Variants in KCNH5 observed in about 807,000 individuals in gnomAD.
KCNH5 encodes voltage-gated delayed rectifier potassium channel KCNH5.
KCNH5 carries 46 observed loss-of-function variants against 96.1 expected under a neutral mutation model. The ratio of observed to expected loss-of-function variants is 0.48; its 90% CI spans 0.38 to 0.61. The LOEUF is 0.61. Among genes scored for constraint, KCNH5 ranks in the 20% least tolerant of loss-of-function variants. The probability of loss-of-function intolerance (pLI) is 0.00; values close to 1 mark genes in which losing one functional copy is unlikely to be tolerated. For synonymous variants in KCNH5, 439 were observed against 449.8 expected (o/e 0.98, Z 0.30); for missense variants, 907 against 1,225.8 (o/e 0.74, Z 3.88).
chr14:62,910,900 C>CAA, intron 7 of KCNH5, among the ~76,000 whole-genome samples: 1 of 31,710 alleles, frequency 3.2e-5, no homozygotes, highest in Non-Finnish European at 5.5e-5. Context: ...GTGCATACAC[C>CAA]ACACACACAC....
At chr14:62,884,097 A>T (rs10873164) in intron 7 of KCNH5, among the ~76,000 whole-genome samples, 92,522 of 152,034 alleles carry the variant, frequency 0.61, 29,400 homozygotes, top group African/African-American at 0.78. Context: ...AGAAATGGGA[A>T]GTTTTCTTCA....
At chr14:62,937,741 C>T (rs956545592) in intron 7 of KCNH5, among the ~76,000 whole-genome samples, 6 of 152,156 alleles carry the variant, frequency 3.9e-5, no homozygotes, top group African/African-American at 1.4e-4. Flanking sequence ...TAGTTGACTC[C>T]AGCCAGTGCT....
At chr14:62,944,804 A>G (rs1889855511) in intron 7 of KCNH5, among the ~76,000 whole-genome samples, 1 of 152,158 alleles carries the variant, frequency 6.6e-6, no homozygotes, top group East Asian at 1.9e-4. Flanking sequence ...AGGGAAATTT[A>G]AAGGTATCTC....
chr14:63,001,501 C>T, intron 3 of KCNH5, 42 bp from the exon 4 acceptor site: 2 of 1,571,412 alleles, frequency 1.3e-6, no homozygotes, highest in Non-Finnish European at 1.7e-6. Context: ...TAGAGTGTGG[C>T]ACGGCCACAG....
At chr14:62,790,181 T>C (rs1886404273) in intron 9 of KCNH5, among the ~76,000 whole-genome samples, 1 of 151,872 alleles carries the variant, frequency 6.6e-6, no homozygotes, top group Non-Finnish European at 1.5e-5. Flanking sequence ...ATTGTGGCCT[T>C]TGGCACCCTT....
intron 10 of KCNH5, among the ~76,000 whole-genome samples, chr14:62,779,227 A>G (rs539872312): frequency 2.6e-4 from 40 of 152,364 alleles, no homozygotes; most frequent in African/African-American, 9.1e-4. Context: ...ATTCTTATCC[A>G]TATTTGTAGG....
intron 8 of KCNH5, among the ~76,000 whole-genome samples, chr14:62,810,544 T>C (rs243142): frequency 6.6e-6 from 1 of 151,982 alleles, no homozygotes; most frequent in Non-Finnish European, 1.5e-5. Flanking sequence ...TCTGATAAAA[T>C]AGCTTGCAGT....
Position 62,705,771 on chromosome 14 carries a change from T to C in KCNH5, c.*1737A>G, listed in dbSNP as rs950036114. ...GTGATAACATGTCTTTCAGTTCTAGTGGCTTTGGTTGGGAATACTGGGAGA... is the reference window on the plus strand; with the variant it reads ...GTGATAACATGTCTTTCAGTTCTAGCGGCTTTGGTTGGGAATACTGGGAGA... On this transcript the variant is annotated 3_prime_UTR_variant, in exon 11 of 11. Transcript: ENST00000322893. The C allele has an allele frequency of 3.9e-5, 6 of 152,094 alleles. No individual in the cohort carries two copies. The highest frequency in any genetic ancestry group is 1.2e-4 in the African/African-American group (5 of 41,446). 9.4% of individuals were successfully genotyped at this position (152,094 alleles called of 1,614,324 possible).
chr14:63,001,498 T>C (rs1891010820), intron 3 of KCNH5, 39 bp from the exon 4 acceptor site: 9 of 1,575,400 alleles, frequency 5.7e-6, no homozygotes, highest in Non-Finnish European at 7.7e-6. Flanking sequence ...CATTAGAGTG[T>C]GGCACGGCCA....
At chr14:63,006,223 A>T (rs1252949303) in intron 3 of KCNH5, 143 bp downstream of exon 3, 1 of 436,168 alleles carries the variant, frequency 2.3e-6, no homozygotes, top group African/African-American at 2.0e-5. Flanking sequence ...TTTATTATCT[A>T]ATTTCACCAG....
chr14:62,839,941 C>CT (rs1887541990), intron 8 of KCNH5, among the ~76,000 whole-genome samples: 1 of 152,040 alleles, frequency 6.6e-6, no homozygotes, highest in Admixed American at 6.6e-5. Flanking sequence ...GCAGTCTCTC[C>CT]TTTTTTAAAA....
chr14:62,769,035 T>C (rs1318699057), intron 10 of KCNH5, among the ~76,000 whole-genome samples: 1 of 152,214 alleles, frequency 6.6e-6, no homozygotes, highest in Non-Finnish European at 1.5e-5. Context: ...ACTTCAGGAA[T>C]TGTTGAAGGT....
chr14:62,768,144 C>G (rs115095430), intron 10 of KCNH5, among the ~76,000 whole-genome samples: 1,752 of 152,088 alleles, frequency 0.012, 32 homozygotes, highest in African/African-American at 0.04. Context: ...ACTAAAAACC[C>G]AGACTTTACC....
At chr14:62,908,758 T>C (rs1021794960) in intron 7 of KCNH5, among the ~76,000 whole-genome samples, 18 of 148,852 alleles carry the variant, frequency 1.2e-4, no homozygotes, top group Non-Finnish European at 1.8e-4. Flanking sequence ...CATGTGCCTT[T>C]GCCCTTTGTT....
intron 6 of KCNH5, among the ~76,000 whole-genome samples, chr14:62,978,566 G>T (rs1422164487): frequency 6.8e-6 from 1 of 146,166 alleles, no homozygotes; most frequent in Non-Finnish European, 1.5e-5. Flanking sequence ...CTGCTTGAGC[G>T]ACAGAGTGAG....
intron 7 of KCNH5, among the ~76,000 whole-genome samples, chr14:62,896,564 C>G (rs1480605312): frequency 6.6e-6 from 1 of 152,190 alleles, no homozygotes; most frequent in African/African-American, 2.4e-5. Context: ...AAGGTAGATT[C>G]ACGGTTCAGT....
At chr14:62,728,438 C>G (rs750985113) in intron 10 of KCNH5, among the ~76,000 whole-genome samples, 1 of 151,062 alleles carries the variant, frequency 6.6e-6, no homozygotes, top group Admixed American at 6.6e-5. Flanking sequence ...AAATTGGAAA[C>G]CTCAGAGGCT....
chr14:62,988,350 T>C (rs1297203991), intron 4 of KCNH5, among the ~76,000 whole-genome samples: 1 of 152,030 alleles, frequency 6.6e-6, no homozygotes, highest in African/African-American at 2.4e-5. Flanking sequence ...AAAGGAATGA[T>C]GACAATGATG....
intron 7 of KCNH5, among the ~76,000 whole-genome samples, chr14:62,899,053 G>T (rs1441558832): frequency 6.6e-6 from 1 of 152,002 alleles, no homozygotes; most frequent in Non-Finnish European, 1.5e-5. Context: ...ATTTTAAAAA[G>T]TGATTTACCA....
Sources: gnomAD v4.1 joint callset for allele counts (sites outside exome capture counted in the v4.1 genomes callset) on GRCh38, gnomAD v4.1.1 for gene constraint, MANE v1.5 for transcripts, NCBI Gene and HGNC (gene_info 2026-07-23, HGNC 2026-07-21) for gene names.